PLD5: variants seen among roughly 807,000 people sequenced by gnomAD.
PLD5 encodes the protein inactive phospholipase D5.
A neutral mutation model predicts 61.1 loss-of-function variants in PLD5; 36 were observed. That is an observed-to-expected ratio of 0.59 (90% CI 0.45 to 0.78). The LOEUF is 0.78. PLD5 is among the 30% of genes least tolerant of loss of function. The pLI is 0.00. For synonymous variants in PLD5, 243 were observed against 242.8 expected (o/e 1.00, Z -0.01); for missense variants, 515 against 644.4 (o/e 0.80, Z 2.17).
chr1:242,510,869 G>A (rs1374892551), intron 1 of PLD5, among the ~76,000 whole-genome samples: 2 of 151,930 alleles, frequency 1.3e-5, no homozygotes, highest in African/African-American at 4.8e-5. Context: ...TTCAAATGAA[G>A]ATGTTTCATC....
chr1:242,175,828 A>C (rs566284845), intron 5 of PLD5, among the ~76,000 whole-genome samples: 1 of 152,230 alleles, frequency 6.6e-6, no homozygotes, highest in Non-Finnish European at 1.5e-5. Flanking sequence ...GAGCCAAATC[A>C]TGAGTGAACT....
intron 6 of PLD5, among the ~76,000 whole-genome samples, chr1:242,114,339 T>C (rs1661775728): frequency 6.6e-6 from 1 of 152,212 alleles, no homozygotes; most frequent in Admixed American, 6.5e-5. Flanking sequence ...CATAGTGATG[T>C]GATTCATATA....
chr1:242,112,283 C>CTGTG (rs748175841), intron 7 of PLD5, among the ~76,000 whole-genome samples: 13,271 of 119,350 alleles, frequency 0.11, 776 homozygotes, highest in African/African-American at 0.16. Flanking sequence ...AAAGGATGCA[C>CTGTG]TGTGTGTGTG....
chr1:242,258,443 T>G (rs564707310), intron 4 of PLD5, among the ~76,000 whole-genome samples: 1 of 152,218 alleles, frequency 6.6e-6, no homozygotes, highest in Non-Finnish European at 1.5e-5. Context: ...AATTTTCTAG[T>G]TTATTACTAA....
chr1:242,146,153 G>A lies in PLD5; in HGVS notation c.736-21488C>T, dbSNP rs564225599. On this transcript the variant is annotated intron_variant, in intron 5 of 9. Coordinates refer to ENST00000536534, the MANE Select transcript of PLD5 (RefSeq NM_001372062.1). ...TTGCTTACCAAGCTCAAGAGTAAAG[G>A]TGAAGCCAAGAAGGGAAAGTGAGTT... Among the ~76,000 whole-genome samples the A allele has an allele frequency of 3.9e-5, 6 of 152,258 alleles. No individual in the cohort carries two copies. In the South Asian group the frequency reaches 1.0e-3, roughly 26 times the overall value.
chr1:242,440,442 G>C (rs1666219695), intron 1 of PLD5, among the ~76,000 whole-genome samples: 1 of 152,112 alleles, frequency 6.6e-6, no homozygotes, highest in Non-Finnish European at 1.5e-5. Context: ...TAAATCATCA[G>C]TGCTTGATGC....
At chr1:242,498,490 T>A (rs1388463752) in intron 1 of PLD5, among the ~76,000 whole-genome samples, 1 of 152,236 alleles carries the variant, frequency 6.6e-6, no homozygotes, top group African/African-American at 2.4e-5. Flanking sequence ...AAACATCTTT[T>A]TTTAAACTCC....
At chr1:242,466,077 A>AT (rs1171418309) in intron 1 of PLD5, among the ~76,000 whole-genome samples, 1 of 152,140 alleles carries the variant, frequency 6.6e-6, no homozygotes, top group East Asian at 1.9e-4. Flanking sequence ...TGGCCACTTC[A>AT]TTTTATGCTG....
intron 8 of PLD5, among the ~76,000 whole-genome samples, chr1:242,101,309 C>CG (rs1553298364): frequency 1.0e-4 from 15 of 147,560 alleles, no homozygotes; most frequent in Admixed American, 1.0e-3. Flanking sequence ...ATAGACAACT[C>CG]AAAAAAAAAA....
rs1164009367 is a variant in PLD5, at chr1:242,088,095, C to T, written c.*1759G>A. On this transcript the variant is annotated 3_prime_UTR_variant, in exon 10 of 10. Transcript: ENST00000536534. ...GGATAAGATTCACAGGCTCCTCGAT[C>T]ACTCTTTTGGCATTTAGAAATCAAG... 1 of 152,200 alleles carries T rather than the reference C, an allele frequency of 6.6e-6. No homozygotes were observed. The highest frequency in any genetic ancestry group is 1.5e-5 in the Non-Finnish European group (1 of 68,034). 9.4% of individuals were successfully genotyped at this position (152,200 alleles called of 1,614,324 possible).
At chr1:242,219,850 A>T in intron 5 of PLD5, 138 bp downstream of exon 5, 1 of 1,134,134 alleles carries the variant, frequency 8.8e-7, no homozygotes, top group East Asian at 2.5e-5. Flanking sequence ...CATAAAAGGA[A>T]GATGAGCCTC....
chr1:242,290,169 A>T (rs1009487735), intron 2 of PLD5, among the ~76,000 whole-genome samples: 5 of 146,924 alleles, frequency 3.4e-5, no homozygotes, highest in African/African-American at 1.0e-4. Flanking sequence ...GGTAGACTCT[A>T]ATAAATGGTG....
At chr1:242,221,042 T>C (rs1356335314) in intron 4 of PLD5, among the ~76,000 whole-genome samples, 3 of 152,224 alleles carry the variant, frequency 2.0e-5, no homozygotes, top group Admixed American at 2.0e-4. Flanking sequence ...ATTTAAGCAA[T>C]GATTATTCAA....
chr1:242,272,476 A>G (rs1558418683), intron 3 of PLD5, among the ~76,000 whole-genome samples: 1 of 152,162 alleles, frequency 6.6e-6, no homozygotes, highest in East Asian at 1.9e-4. Flanking sequence ...CATTTACAAA[A>G]ATCTGTCTTG....
Position 242,434,615 on chromosome 1 carries a change from T to C in PLD5, c.190-86373A>G, listed in dbSNP as rs567630430. Among the ~76,000 whole-genome samples the C allele has an allele frequency of 3.4e-4, 52 of 152,224 alleles. 2 individuals are homozygous for C. In the South Asian group the frequency reaches 9.3e-3, roughly 27 times the overall value. On this transcript the variant is annotated intron_variant, in intron 1 of 9. Transcript: ENST00000536534. The stretch of plus-strand genomic sequence containing the variant: ...TGAGACATCCCTTGTTTTATTTTAT[T>C]TATTTATTTATTTTTTGAGATGGAG...
intron 3 of PLD5, among the ~76,000 whole-genome samples, chr1:242,278,204 C>CA (rs200768740): frequency 6.7e-6 from 1 of 150,114 alleles, no homozygotes; most frequent in Non-Finnish European, 1.5e-5. Flanking sequence ...GTGAAAGTAC[C>CA]AAAAAAAATG....
chr1:242,433,769 G>A (rs1273795801), intron 1 of PLD5, among the ~76,000 whole-genome samples: 1 of 152,066 alleles, frequency 6.6e-6, no homozygotes, highest in Non-Finnish European at 1.5e-5. Flanking sequence ...TTTATGTGAG[G>A]ACGTTTCAGT....
chr1:242,492,037 G>C (rs1206324013), intron 1 of PLD5, among the ~76,000 whole-genome samples: 1 of 152,132 alleles, frequency 6.6e-6, no homozygotes, highest in Non-Finnish European at 1.5e-5. Flanking sequence ...GACATATCAA[G>C]TGCAACACAT....
chr1:242,317,422 T>C lies in PLD5; in HGVS notation c.327-28892A>G, dbSNP rs571069874. Among the ~76,000 whole-genome samples the C allele has an allele frequency of 2.0e-5, 3 of 152,298 alleles. No individual in the cohort carries two copies. In the South Asian group the frequency reaches 6.2e-4, roughly 32 times the overall value. On this transcript the variant is annotated intron_variant, in intron 2 of 9. Coordinates refer to ENST00000536534, the MANE Select transcript of PLD5 (RefSeq NM_001372062.1). ...TAAATTATCTAACACATTCACTTCA[T>C]TTTTTTATAAAAGAACCTATAATTG...
Sources: gnomAD v4.1 joint callset for allele counts (sites outside exome capture counted in the v4.1 genomes callset) on GRCh38, gnomAD v4.1.1 for gene constraint, MANE v1.5 for transcripts, NCBI Gene and HGNC (gene_info 2026-07-23, HGNC 2026-07-21) for gene names.